Variants in LRP1B observed in about 807,000 individuals in gnomAD.
The protein encoded by LRP1B is low-density lipoprotein receptor-related protein 1B.
In LRP1B, 217 loss-of-function variants were observed where a neutral mutation model predicts 556.6. That is an observed-to-expected ratio of 0.39 (90% CI 0.35 to 0.44). LRP1B has a LOEUF of 0.44. Among genes scored for constraint, LRP1B ranks in the 20% least tolerant of loss-of-function variants. LRP1B has a pLI of 1.00. For synonymous variants in LRP1B, 2,047 were observed against 1,865.8 expected, an observed-to-expected ratio of 1.10 and a Z score of -2.50; for missense variants, 5,053 against 5,620.8, an observed-to-expected ratio of 0.90 and a Z score of 3.23.
At chr2:140,677,528 C>G (rs1407493967) in intron 41 of LRP1B, among the ~76,000 whole-genome samples, 2 of 152,090 alleles carry the variant, frequency 1.3e-5, no homozygotes, top group Non-Finnish European at 2.9e-5. Flanking sequence ...AGGACCGTTT[C>G]TCAATGACTG....
At chr2:141,962,281 C>T (rs575965009) in intron 1 of LRP1B, among the ~76,000 whole-genome samples, 2 of 151,740 alleles carry the variant, frequency 1.3e-5, no homozygotes, top group African/African-American at 4.8e-5. Flanking sequence ...AAATAATTTT[C>T]AGAAAGCACA....
intron 3 of LRP1B, among the ~76,000 whole-genome samples, chr2:141,333,637 C>T (rs1687741029): frequency 6.6e-6 from 1 of 152,154 alleles, no homozygotes; most frequent in Non-Finnish European, 1.5e-5. Flanking sequence ...GTATCACCAC[C>T]TCCATCTGAA....
chr2:141,591,199 T>C (rs1044791641), intron 2 of LRP1B, among the ~76,000 whole-genome samples: 3 of 152,092 alleles, frequency 2.0e-5, no homozygotes, highest in Non-Finnish European at 4.4e-5. Flanking sequence ...CTCTCATACT[T>C]CCTAATTACT....
chr2:141,395,836 GATA>G (rs1212685204), intron 3 of LRP1B, among the ~76,000 whole-genome samples: 2 of 152,100 alleles, frequency 1.3e-5, no homozygotes, highest in African/African-American at 4.8e-5. Flanking sequence ...ACAGGGGAGA[GATA>G]ATGAGAAATA....
chr2:141,729,826 G>T (rs1693200026), intron 2 of LRP1B, among the ~76,000 whole-genome samples: 2 of 152,226 alleles, frequency 1.3e-5, no homozygotes, highest in South Asian at 4.1e-4. Flanking sequence ...AAACAGTGGG[G>T]TGAAGAACCC....
intron 2 of LRP1B, among the ~76,000 whole-genome samples, chr2:141,795,789 A>G (rs1695783372): frequency 7.1e-6 from 1 of 140,242 alleles, no homozygotes; most frequent in Admixed American, 7.4e-5. Flanking sequence ...GTTTTAATTC[A>G]TTGCATCTAA....
At chr2:141,553,901 A>C (rs1422294131) in intron 2 of LRP1B, among the ~76,000 whole-genome samples, 2 of 137,400 alleles carry the variant, frequency 1.5e-5, no homozygotes, top group Non-Finnish European at 3.1e-5. Flanking sequence ...TATCTATATT[A>C]ATATAGTTAT....
chr2:140,371,503 T>C (rs633689), intron 69 of LRP1B, among the ~76,000 whole-genome samples: 49,314 of 151,124 alleles, frequency 0.33, 8,662 homozygotes, highest in Non-Finnish European at 0.4. Context: ...ATATACTTCA[T>C]GATGCAATAA....
At chr2:140,334,738 A>G (rs965584126) in intron 78 of LRP1B, among the ~76,000 whole-genome samples, 179 bp from the exon 79 acceptor site, 1 of 152,068 alleles carries the variant, frequency 6.6e-6, no homozygotes, top group Non-Finnish European at 1.5e-5. Flanking sequence ...GGGAATCAAC[A>G]TTTTAAAGAA....
chr2:142,034,224 A>G (rs1011794701), intron 1 of LRP1B, among the ~76,000 whole-genome samples: 1 of 151,822 alleles, frequency 6.6e-6, no homozygotes, highest in African/African-American at 2.4e-5. Flanking sequence ...ACACACTGAC[A>G]ACTCTTAAAA....
chr2:142,048,315 G>A (rs945369896), intron 1 of LRP1B, among the ~76,000 whole-genome samples: 3 of 152,010 alleles, frequency 2.0e-5, no homozygotes. Context: ...AAAGCTTTTG[G>A]AGGTTAACTA....
intron 2 of LRP1B, chr2:141,805,254 C>T (rs1279129890): frequency 2.6e-5 from 4 of 152,116 alleles, no homozygotes; most frequent in Admixed American, 1.3e-4. Flanking sequence ...AGCAGCCATA[C>T]TGTGGATATG....
At chr2:141,847,258 C>A (rs1466390594) in intron 1 of LRP1B, among the ~76,000 whole-genome samples, 1 of 151,416 alleles carries the variant, frequency 6.6e-6, no homozygotes, top group Admixed American at 6.6e-5. Flanking sequence ...ATTAATCGAA[C>A]AATAACTGCA....
intron 1 of LRP1B, among the ~76,000 whole-genome samples, chr2:141,878,813 T>C (rs1698858457): frequency 6.6e-6 from 1 of 151,756 alleles, no homozygotes; most frequent in Admixed American, 6.6e-5. Flanking sequence ...TATTTGGAAT[T>C]TTTTTTTATT....
At chr2:141,228,859 T>A (rs1683353500) in intron 6 of LRP1B, among the ~76,000 whole-genome samples, 1 of 152,156 alleles carries the variant, frequency 6.6e-6, no homozygotes, top group South Asian at 2.1e-4. Context: ...CTGCTTTTTT[T>A]AAATCCCACC....
At chr2:142,119,974 A>G (rs1053989133) in intron 1 of LRP1B, among the ~76,000 whole-genome samples, 3 of 152,196 alleles carry the variant, frequency 2.0e-5, no homozygotes, top group African/African-American at 7.2e-5. Context: ...TACAATGTTT[A>G]TTCAATGAAT....
intron 2 of LRP1B, among the ~76,000 whole-genome samples, chr2:141,517,557 T>A (rs143318695): frequency 2.1e-4 from 32 of 152,346 alleles, no homozygotes; most frequent in Non-Finnish European, 3.7e-4. Context: ...TCCCATCTTC[T>A]GAAAACCTCA....
intron 1 of LRP1B, among the ~76,000 whole-genome samples, chr2:142,009,117 A>G (rs1702880887): frequency 6.6e-6 from 1 of 152,204 alleles, no homozygotes; most frequent in South Asian, 2.1e-4. Context: ...AAATTGTTGC[A>G]GGAATTGCTT....
chr2:140,424,685 A>G (rs1685583781), intron 66 of LRP1B, among the ~76,000 whole-genome samples: 1 of 152,342 alleles, frequency 6.6e-6, no homozygotes, highest in South Asian at 2.1e-4. Flanking sequence ...TCAAAAGTGT[A>G]TCATGCATGA....
Sources: gnomAD v4.1 joint callset for allele counts (sites outside exome capture counted in the v4.1 genomes callset) on GRCh38, gnomAD v4.1.1 for gene constraint, MANE v1.5 for transcripts, NCBI Gene and HGNC (gene_info 2026-07-23, HGNC 2026-07-21) for gene names.